The following STPG2 variants were observed in gnomAD, a reference collection of about 807,000 sequenced individuals.
STPG2 encodes the protein sperm tail PG-rich repeat containing 2.
Under a neutral mutation model 54.2 loss-of-function variants are expected in STPG2, and 56 were observed. That is an observed-to-expected ratio of 1.03 (90% confidence interval 0.83 to 1.29). The LOEUF (loss-of-function observed/expected upper bound fraction) is 1.29, where lower values mean the gene tolerates loss of function less well. Among genes scored for constraint, STPG2 ranks in the 50% most tolerant of loss-of-function variants. The pLI is 0.00. For synonymous variants in STPG2, 200 were observed against 181.8 expected, an observed-to-expected ratio of 1.10 and a Z score of -0.81; for missense variants, 596 against 544.9, an observed-to-expected ratio of 1.09 and a Z score of -0.93.
intron 8 of STPG2, among the ~76,000 whole-genome samples, chr4:97,904,604 A>G (rs9685754): frequency 0.38 from 57,470 of 152,138 alleles, 10,944 homozygotes; most frequent in Middle Eastern, 0.46. Flanking sequence ...AAAGCTGGAC[A>G]GAGAATGACT....
At chr4:97,786,613 G>C (rs1330190932) in intron 9 of STPG2, among the ~76,000 whole-genome samples, 1 of 152,100 alleles carries the variant, frequency 6.6e-6, no homozygotes, top group South Asian at 2.1e-4. Flanking sequence ...GTTCGGAGTA[G>C]GGTGAAAGAG....
At chr4:97,953,613 C>G (rs1298471737) in intron 7 of STPG2, among the ~76,000 whole-genome samples, 1 of 152,242 alleles carries the variant, frequency 6.6e-6, no homozygotes, top group African/African-American at 2.4e-5. Context: ...GCCTGCAAGG[C>G]TCTTCCCACA....
chr4:98,059,477 A>G (rs4699593), intron 5 of STPG2, among the ~76,000 whole-genome samples: 59,869 of 151,852 alleles, frequency 0.39, 12,032 homozygotes, highest in Middle Eastern at 0.46. Flanking sequence ...CCAAATTTAC[A>G]AAGAAGAGTT....
chr4:97,575,860 A>T (rs1246867196), intron 10 of STPG2, among the ~76,000 whole-genome samples: 1 of 152,182 alleles, frequency 6.6e-6, no homozygotes, highest in African/African-American at 2.4e-5. Context: ...CTATACCTCA[A>T]ATAGCCTAAT....
intron 4 of STPG2, among the ~76,000 whole-genome samples, chr4:97,494,647 T>C (rs1246857468): frequency 6.6e-6 from 1 of 151,514 alleles, no homozygotes; most frequent in Non-Finnish European, 1.5e-5. Context: ...CATTCAGAAA[T>C]TGATATGACT....
At chr4:98,108,901 AG>A (rs1739265645) in intron 4 of STPG2, among the ~76,000 whole-genome samples, 1 of 152,074 alleles carries the variant, frequency 6.6e-6, no homozygotes, top group African/African-American at 2.4e-5. Context: ...GCTAGGGGAG[AG>A]ATAGCATTAG....
At chr4:97,449,935 C>G (rs1360222879) in intron 4 of STPG2, among the ~76,000 whole-genome samples, 1 of 152,010 alleles carries the variant, frequency 6.6e-6, no homozygotes, top group Admixed American at 6.6e-5. Context: ...CCAATGCAAA[C>G]AATGTAGCCT....
intron 4 of STPG2, among the ~76,000 whole-genome samples, chr4:97,502,824 T>C (rs1730754623): frequency 6.6e-6 from 1 of 151,952 alleles, no homozygotes; most frequent in East Asian, 1.9e-4. Context: ...GCAGATTAAA[T>C]TGAAACACAC....
At chr4:97,992,532 T>C (rs1458719009) in intron 5 of STPG2, among the ~76,000 whole-genome samples, 1 of 152,206 alleles carries the variant, frequency 6.6e-6, no homozygotes, top group African/African-American at 2.4e-5. Context: ...TCGAGTAATG[T>C]AATGCCTTCA....
chr4:97,820,829 T>G (rs753005742), intron 9 of STPG2, among the ~76,000 whole-genome samples: 9 of 152,106 alleles, frequency 5.9e-5, no homozygotes, highest in Non-Finnish European at 1.0e-4. Context: ...TCATGAGAAC[T>G]CATTCTCTAT....
At position 97,943,930 on chromosome 4, in the gene STPG2, T is replaced by G; in HGVS notation, c.1011A>C (p.Ser337=). Residue 337 remains serine (S), a synonymous_variant, in exon 8 of 11, where the codon TCA becomes TCC. Transcript: ENST00000295268. ...GTACTTTCATAGTTCTTTTGGCTCT[T>G]GACAAGAAAGCAGCATATTTGTTAG... is the stretch of plus-strand genomic sequence containing the variant. ...NLTNKYAAFL[S]RAKRTMKVPD... The G allele has an allele frequency of 6.3e-7, 1 of 1,591,396 alleles. No homozygotes were observed. Among genetic ancestry groups the G allele is most frequent in the Non-Finnish European group, 8.5e-7 (1 of 1,173,152 alleles).
intron 8 of STPG2, among the ~76,000 whole-genome samples, chr4:97,927,171 T>C (rs1374232053): frequency 1.3e-5 from 2 of 152,128 alleles, no homozygotes; most frequent in African/African-American, 2.4e-5. Context: ...CAAATTAATA[T>C]ATAAATCAAA....
chr4:97,816,983 T>A (rs1389247302), intron 9 of STPG2, among the ~76,000 whole-genome samples: 4 of 147,706 alleles, frequency 2.7e-5, no homozygotes, highest in Admixed American at 6.8e-5. Context: ...ATATATTATA[T>A]ATTATTTTAT....
chr4:98,134,349 G>A lies in STPG2; in HGVS notation c.220C>T (p.Gln74Ter), dbSNP rs1395063749. The change falls in exon 2 of 11, where the codon CAG (glutamine) becomes TAG (stop). Residue 74 changes from glutamine to a stop codon, truncating the protein, a stop_gained and splice_region_variant. Transcript: ENST00000295268. LOFTEE classifies it high-confidence loss of function. Reference sequence around the variant, plus strand: ...AATTATAGTAACTATAAAGTTACCTGTGCTTCTGAAACATTATAGTGTCCT... The same window carrying A: ...AATTATAGTAACTATAAAGTTACCTATGCTTCTGAAACATTATAGTGTCCT... ...GPGHYNVSEA[Q>*]KISRSPTLTR... 18 of 1,527,228 alleles carry A rather than the reference G, an allele frequency of 1.2e-5. No homozygotes were observed. Among genetic ancestry groups the A allele is most frequent in the Non-Finnish European group, 1.6e-5 (18 of 1,131,334 alleles). 94.6% of individuals were successfully genotyped at this position (1,527,228 alleles called of 1,614,324 possible). A position where few individuals can be genotyped will look rare whatever the true frequency, so the allele number is the denominator to read the frequency against.
chr4:97,958,378 T>C (rs142769630), intron 7 of STPG2, among the ~76,000 whole-genome samples: 5 of 152,028 alleles, frequency 3.3e-5, no homozygotes, highest in Admixed American at 2.6e-4. Context: ...AATGGAATAG[T>C]ACCTCATATC....
At chr4:97,798,272 G>GTA (rs1727268869) in intron 9 of STPG2, among the ~76,000 whole-genome samples, 1 of 152,114 alleles carries the variant, frequency 6.6e-6, no homozygotes, top group Non-Finnish European at 1.5e-5. Flanking sequence ...TAATTGTGAT[G>GTA]TTAGGGTGTC....
intron 8 of STPG2, 74 bp downstream of exon 8, chr4:97,943,823 A>T: frequency 8.8e-7 from 1 of 1,140,318 alleles, no homozygotes; most frequent in Non-Finnish European, 1.2e-6. Context: ...AGGTCCTAAT[A>T]TAATGTTTAT....
chr4:97,581,445 T>C (rs1445327682), intron 10 of STPG2, among the ~76,000 whole-genome samples: 2 of 152,096 alleles, frequency 1.3e-5, no homozygotes, highest in African/African-American at 4.8e-5. Flanking sequence ...CGGAGAACAA[T>C]GCAGAAATCA....
intron 5 of STPG2, among the ~76,000 whole-genome samples, chr4:98,017,336 G>A (rs1044355967): frequency 2.0e-5 from 3 of 152,256 alleles, no homozygotes; most frequent in Non-Finnish European, 4.4e-5. Context: ...ATGTTGGCCT[G>A]AAGCCTGGAT....
Sources: allele counts gnomAD v4.1 joint callset (sites outside exome capture counted in the v4.1 genomes callset), GRCh38; gene constraint gnomAD v4.1.1; transcripts MANE v1.5; gene names NCBI Gene and HGNC (gene_info 2026-07-23, HGNC 2026-07-21).